KRABD5: variants seen among roughly 807,000 people sequenced by gnomAD.
The protein encoded by KRABD5 is KRAB domain-containing protein 5.
At chr16:31,759,877 T>C in the KRABD5 span, 1 of 152,870 alleles carries the variant, frequency 6.5e-6, no homozygotes, top group Non-Finnish European at 1.5e-5. Context: ...CAATAAAAAA[T>C]TAAATATTAC....
At chr16:31,715,271 GA>G in the KRABD5 span, among the ~76,000 whole-genome samples, 5 of 152,238 alleles carry the variant, frequency 3.3e-5, no homozygotes, top group African/African-American at 7.2e-5. Context: ...AATTGCTTAT[GA>G]GGGGGAAAAA....
chr16:31,753,166 T>G, the KRABD5 span, among the ~76,000 whole-genome samples: 2 of 152,188 alleles, frequency 1.3e-5, no homozygotes, highest in Non-Finnish European at 1.5e-5. Context: ...GTCAGGATGT[T>G]TCTTCTCTGG....
the KRABD5 span, among the ~76,000 whole-genome samples, chr16:31,745,062 A>G: frequency 2.0e-5 from 3 of 152,082 alleles, no homozygotes; most frequent in African/African-American, 4.8e-5. Flanking sequence ...AGCTTTTTCA[A>G]AAAACTAGCT....
chr16:31,756,294 G>A, the KRABD5 span: 1 of 152,188 alleles, frequency 6.6e-6, no homozygotes, highest in East Asian at 1.9e-4. Context: ...TAAACATATA[G>A]TACATATTTA....
the KRABD5 span, among the ~76,000 whole-genome samples, chr16:31,751,318 G>A: frequency 6.6e-6 from 1 of 152,098 alleles, no homozygotes; most frequent in African/African-American, 2.4e-5. Context: ...TGAAAGGGGA[G>A]GAGTCCCTTC....
chr16:31,726,519 G>A, the KRABD5 span, among the ~76,000 whole-genome samples: 1 of 152,300 alleles, frequency 6.6e-6, no homozygotes, highest in East Asian at 1.9e-4. Flanking sequence ...CCAGCACTTT[G>A]GGAGACCGAA....
At chr16:31,724,829 A>G in the KRABD5 span, among the ~76,000 whole-genome samples, 1 of 152,156 alleles carries the variant, frequency 6.6e-6, no homozygotes, top group African/African-American at 2.4e-5. Context: ...GTACTCTTTG[A>G]CCAGTATCTC....
chr16:31,745,312 A>G, the KRABD5 span, among the ~76,000 whole-genome samples: 1 of 152,108 alleles, frequency 6.6e-6, no homozygotes, highest in Non-Finnish European at 1.5e-5. Context: ...AGATTCTGGT[A>G]TGTTGTCTCT....
At chr16:31,759,032 G>C in the KRABD5 span, 1 of 228,524 alleles carries the variant, frequency 4.4e-6, no homozygotes, top group Non-Finnish European at 8.8e-6. Context: ...AAGTATGGTG[G>C]ATATGTTAAA....
chr16:31,741,294 G>A, the KRABD5 span, among the ~76,000 whole-genome samples: 20,576 of 152,178 alleles, frequency 0.14, 1,609 homozygotes, highest in East Asian at 0.18. Flanking sequence ...TGACTTTTTG[G>A]TAGAACAATT....
the KRABD5 span, chr16:31,722,722 T>G: frequency 6.2e-7 from 1 of 1,610,510 alleles, no homozygotes; most frequent in Non-Finnish European, 8.5e-7. Context: ...GGATGTGATG[T>G]TAGAGAACTA....
chr16:31,751,646 C>T, the KRABD5 span, among the ~76,000 whole-genome samples: 6 of 152,146 alleles, frequency 3.9e-5, no homozygotes, highest in Non-Finnish European at 8.8e-5. Context: ...TTGTGCTTAT[C>T]TGGATCTTCT....
At chr16:31,722,726 AG>A in the KRABD5 span, 1 of 1,609,738 alleles carries the variant, frequency 6.2e-7, no homozygotes, top group Non-Finnish European at 8.5e-7. Context: ...GTGATGTTAG[AG>A]AACTACGGAA....
At chr16:31,740,086 C>A in the KRABD5 span, among the ~76,000 whole-genome samples, 3 of 152,154 alleles carry the variant, frequency 2.0e-5, no homozygotes, top group African/African-American at 7.2e-5. Context: ...GTGGGTAAAT[C>A]TCTGTTCGGG....
chr16:31,730,559 G>C, the KRABD5 span, among the ~76,000 whole-genome samples: 1 of 152,078 alleles, frequency 6.6e-6, no homozygotes, highest in Non-Finnish European at 1.5e-5. Context: ...CTTGCCATGG[G>C]TATTTTGAGC....
chr16:31,748,087 A>T, the KRABD5 span, among the ~76,000 whole-genome samples: 122,416 of 151,856 alleles, frequency 0.81, 50,060 homozygotes, highest in African/African-American at 0.93. Context: ...CTGAATGGTA[A>T]TGCCTAGGTT....
At chr16:31,714,272 A>G in the KRABD5 span, 10 of 431,036 alleles carry the variant, frequency 2.3e-5, no homozygotes, top group African/African-American at 2.0e-4. Context: ...TTTTGGCCTT[A>G]CCTGTTGAAG....
the KRABD5 span, chr16:31,759,545 C>A: frequency 2.3e-5 from 20 of 877,242 alleles, no homozygotes; most frequent in East Asian, 5.9e-5. Context: ...TACATCTTCA[C>A]AAAAAAAATC....
chr16:31,755,471 T>C, the KRABD5 span: 2 of 464,760 alleles, frequency 4.3e-6, no homozygotes, highest in Admixed American at 2.4e-5. Flanking sequence ...ACTTTACAAA[T>C]GTAAAGCATG....
Sources: gnomAD v4.1 joint callset for allele counts (sites outside exome capture counted in the v4.1 genomes callset) on GRCh38, gnomAD v4.1.1 for gene constraint, MANE v1.5 for transcripts, NCBI Gene and HGNC (gene_info 2026-07-23, HGNC 2026-07-21) for gene names.